The following CORO7 variants were observed in gnomAD, a reference collection of about 807,000 sequenced individuals.
The protein encoded by CORO7 is coronin-7.
Under a neutral mutation model 126.6 loss-of-function variants are expected in CORO7, and 107 were observed. That is an observed-to-expected ratio of 0.85 (90% CI 0.72 to 0.99). CORO7 has a LOEUF of 0.99. CORO7 is among the 50% of genes least tolerant of loss of function. The pLI, the probability that CORO7 is intolerant of heterozygous loss-of-function variation, is 0.00. For missense variants in CORO7, 1,314 were observed against 1,255.8 expected, an observed-to-expected ratio of 1.05 and a Z score of -0.70; for synonymous variants, 603 against 536.8, an observed-to-expected ratio of 1.12 and a Z score of -1.70.
At chr16:4,360,839 TCTCCTCACTGCTGGCCCCGCCA>T (rs1327775720) in intron 19 of CORO7, 82 bp downstream of exon 19, 384 of 1,436,512 alleles carry the variant, frequency 2.7e-4, no homozygotes, top group Non-Finnish European at 3.2e-4. Flanking sequence ...TGGTCCTGCC[TCTCCTCACTGCTGGCCCCGCCA>T]CTCCTCACTG....
intron 18 of CORO7, 31 bp from the exon 19 acceptor site, chr16:4,361,116 T>C (rs1412625703): frequency 3.1e-6 from 5 of 1,613,260 alleles, no homozygotes; most frequent in Non-Finnish European, 2.5e-6. Context: ...TCAGGAGCCC[T>C]TGGGAGACAC....
At chr16:4,407,173 C>A (rs2056030964) in intron 5 of CORO7, among the ~76,000 whole-genome samples, 1 of 151,476 alleles carries the variant, frequency 6.6e-6, no homozygotes, top group Non-Finnish European at 1.5e-5. Context: ...GTCTTGAACT[C>A]CTGACCTCAG....
At chr16:4,413,700 G>A (rs886460272) in intron 1 of CORO7, among the ~76,000 whole-genome samples, 2 of 151,874 alleles carry the variant, frequency 1.3e-5, no homozygotes, top group African/African-American at 4.8e-5. Context: ...ACCAAGCCCA[G>A]CTAATTTTTG....
At position 4,380,999 on chromosome 16, in the gene CORO7, G is replaced by A. The variant is rs774736538; in HGVS notation, c.785+6987C>T. ...CCACAGACAGTCTTCTGCACTGCCC[G>A]CCAGGGGACCACGGTGCCCCGAGAC... is the stretch of plus-strand genomic sequence containing the variant. On this transcript the variant is annotated intron_variant, in intron 9 of 27. Transcript: ENST00000251166. 3.7e-6 allele frequency: 6 copies of A among 1,607,508 alleles called. No individual in the cohort carries two copies. Among genetic ancestry groups the A allele is most frequent in the East Asian group, 4.5e-5 (2 of 44,696 alleles).
At position 4,362,889 on chromosome 16, in the gene CORO7, G is replaced by A. The variant is rs1000888156; in HGVS notation, c.1276-151C>T. 9 of 909,140 alleles carry A rather than the reference G, an allele frequency of 9.9e-6. No individual in the cohort carries two copies. The African/African-American group carries it at 1.0e-4, about 10-fold the overall frequency. 56.3% of individuals were successfully genotyped at this position (909,140 alleles called of 1,614,324 possible). A position where few individuals can be genotyped will look rare whatever the true frequency, so the allele number is the denominator to read the frequency against. On this transcript the variant is annotated intron_variant, in intron 14 of 27. Transcript: ENST00000251166. This position sits in a 1 kb window ranked among gnomAD's most constrained non-coding sequence, Gnocchi z 5.3. ...ATGCGACAGGAGCGGCGGGGGGCAC[G>A]GGCATAAACGCAGACACACAGGGAA... is the stretch of plus-strand genomic sequence containing the variant.
chr16:4,406,156 T>A (rs2055989745), intron 5 of CORO7, among the ~76,000 whole-genome samples: 3 of 151,972 alleles, frequency 2.0e-5, no homozygotes. Flanking sequence ...CCTGCCACCA[T>A]GCCCAGCTAA....
intron 9 of CORO7, among the ~76,000 whole-genome samples, chr16:4,376,580 G>A (rs2054739822): frequency 6.6e-6 from 1 of 152,170 alleles, no homozygotes; most frequent in Admixed American, 6.5e-5. Context: ...AGGGGCTGAT[G>A]TGGTCACCAG....
intron 8 of CORO7, 105 bp downstream of exon 8, chr16:4,388,440 G>A (rs1293566286): frequency 1.9e-5 from 24 of 1,290,812 alleles, no homozygotes; most frequent in Non-Finnish European, 2.4e-5. Context: ...GACAGGCCTG[G>A]AACTGGCCCT....
chr16:4,413,240 C>G (rs2056280237), intron 2 of CORO7, 68 bp downstream of exon 2: 2 of 1,479,862 alleles, frequency 1.4e-6, no homozygotes, highest in Admixed American at 4.2e-5. Flanking sequence ...GCCCCTGCTC[C>G]CCACCCCATC....
intron 9 of CORO7, 61 bp downstream of exon 9, chr16:4,387,925 C>T (rs1466602515): frequency 1.3e-6 from 2 of 1,594,928 alleles, no homozygotes; most frequent in Non-Finnish European, 1.7e-6. Flanking sequence ...GATCAGGTGC[C>T]CTCACCTGCG....
At position 4,360,344 on chromosome 16, in the gene CORO7, C is replaced by A. The variant is rs199838202; in HGVS notation, c.2042G>T (p.Gly681Val). ...CCAGACAATGCGAGCTCCGCGTCCT[C>A]CCTTGGGCCCTGGGCCTTCCTGTTG... ...EPLQEGPGPK[G>V]GRGARIVWVC... The change falls in exon 21 of 28, where the codon GGA (glycine) becomes GTA (valine). Residue 681 changes from glycine to valine, a missense_variant. Gly to Val is a moderately radical substitution (Grantham distance 109). Coordinates refer to ENST00000251166, the MANE Select transcript of CORO7 (RefSeq NM_024535.5). 2.3e-5 allele frequency: 37 copies of A among 1,613,752 alleles called. No individual in the cohort carries two copies. In the African/African-American group the frequency reaches 4.3e-4, roughly 19 times the overall value.
chr16:4,402,217 C>T (rs565925011), intron 6 of CORO7, among the ~76,000 whole-genome samples: 7 of 151,350 alleles, frequency 4.6e-5, no homozygotes, highest in South Asian at 2.1e-4. Context: ...GGATTACAGG[C>T]GTGAGCCACT....
chr16:4,408,393 G>T, intron 3 of CORO7, 142 bp from the exon 4 acceptor site: 1 of 1,208,270 alleles, frequency 8.3e-7, no homozygotes, highest in African/African-American at 1.5e-5. Context: ...GGACACCATG[G>T]GGGCAAATGC....
intron 19 of CORO7, among the ~76,000 whole-genome samples, 159 bp downstream of exon 19, chr16:4,360,784 A>C (rs1197909147): frequency 5.7e-4 from 19 of 33,186 alleles, no homozygotes; most frequent in South Asian, 2.4e-3. Context: ...CCTCCTCACC[A>C]CTGGCCCCCC....
chr16:4,381,522 G>A, intron 9 of CORO7: 2 of 1,600,944 alleles, frequency 1.2e-6, no homozygotes, highest in Non-Finnish European at 1.7e-6. Context: ...TCAGCCGCTT[G>A]CGCAACCTCC....
chr16:4,388,068 T>A lies in CORO7; in HGVS notation c.703A>T (p.Met235Leu). 1 of 1,611,862 alleles carries A rather than the reference T, an allele frequency of 6.2e-7. No individual in the cohort carries two copies. ...CACAGCTTCACTTCGCGCTCACGCA[T>A]CTGCAGGGAGGGCGAGAGAGGGGCT... ...EHLVSTGFNQ[M>L]REREVKLWDT... is the part of the protein sequence containing the mutation. Residue 235 changes from methionine to leucine, a missense_variant and splice_region_variant, in exon 9 of 28, where the codon ATG (methionine) becomes TTG (leucine). Coordinates refer to ENST00000251166, the MANE Select transcript of CORO7 (RefSeq NM_024535.5).
Position 4,363,645 on chromosome 16 carries a change from G to C in CORO7, c.1275+631C>G, listed in dbSNP as rs150815737. 6.2e-3 allele frequency among the ~76,000 whole-genome samples: 951 copies of C among 152,262 alleles called. 3 individuals carry two copies. The highest frequency in any genetic ancestry group is 8.2e-3 in the Non-Finnish European group (557 of 68,032). The stretch of plus-strand genomic sequence containing the variant: ...GAGAATTGCTTGAAACTGGGAGGCG[G>C]AGGTTGCAGTGAGCCGAGATCGCAC... On this transcript the variant is annotated intron_variant, in intron 14 of 27. Transcript: ENST00000251166.
At chr16:4,386,156 G>T (rs1305937723) in intron 9 of CORO7, among the ~76,000 whole-genome samples, 1 of 152,196 alleles carries the variant, frequency 6.6e-6, no homozygotes, top group African/African-American at 2.4e-5. Context: ...CAGGGCTCGG[G>T]GGCAGAGGGG....
chr16:4,376,364 C>T (rs189517007), intron 9 of CORO7, among the ~76,000 whole-genome samples: 17 of 152,326 alleles, frequency 1.1e-4, no homozygotes, highest in East Asian at 3.9e-4. Flanking sequence ...CAGGCCTGAC[C>T]GGCCACACAG....
Sources: gnomAD v4.1 joint callset for allele counts (sites outside exome capture counted in the v4.1 genomes callset) on GRCh38, gnomAD v4.1.1 for gene constraint, Gnocchi (gnomAD v3.1) non-coding constraint, MANE v1.5 for transcripts, NCBI Gene and HGNC (gene_info 2026-07-23, HGNC 2026-07-21) for gene names.